FAF2: variants seen among roughly 807,000 people sequenced by gnomAD.
The protein encoded by FAF2 is FAS-associated factor 2.
A neutral mutation model predicts 62.3 loss-of-function variants in FAF2; 9 were observed. The observed-to-expected ratio is 0.14, with a 90% CI of 0.09 to 0.25. The LOEUF (loss-of-function observed/expected upper bound fraction) is 0.25, where lower values mean the gene tolerates loss of function less well. Ranked by LOEUF, FAF2 falls within the 10% of genes least tolerant of loss-of-function variation. The pLI, the probability that FAF2 is intolerant of heterozygous loss-of-function variation, is 1.00. For missense variants in FAF2, 368 were observed against 556.2 expected (o/e 0.66, Z 3.40); for synonymous variants, 202 against 198.0 (o/e 1.02, Z -0.17).
intron 10 of FAF2, among the ~76,000 whole-genome samples, chr5:176,503,043 G>C (rs1197082541): frequency 1.3e-5 from 2 of 148,482 alleles, no homozygotes. Context: ...GCGAGGCTGT[G>C]TCTCAAAAAA....
At chr5:176,454,842 C>G (rs371316543) in intron 1 of FAF2, among the ~76,000 whole-genome samples, 1 of 152,238 alleles carries the variant, frequency 6.6e-6, no homozygotes, top group East Asian at 1.9e-4. Flanking sequence ...GTAATATGTT[C>G]AAGCATTTCT....
chr5:176,474,400 C>T lies in FAF2; in HGVS notation c.64-4788C>T, dbSNP rs1283277632. 3.3e-5 allele frequency among the ~76,000 whole-genome samples: 5 copies of T among 152,258 alleles called. No homozygotes were observed. In the East Asian group the frequency reaches 9.6e-4, roughly 29 times the overall value. On this transcript the variant is annotated intron_variant, in intron 1 of 10. Coordinates refer to ENST00000261942, the MANE Select transcript of FAF2 (RefSeq NM_014613.3). ...TAGAGAACAGTGCTTAAGTGTAGTTCCTGTTGCCTTTAGTCTTATAGACTT... is the reference window on the plus strand; with the variant it reads ...TAGAGAACAGTGCTTAAGTGTAGTTTCTGTTGCCTTTAGTCTTATAGACTT...
At chr5:176,484,386 G>C (rs375892753) in intron 2 of FAF2, among the ~76,000 whole-genome samples, 1 of 152,182 alleles carries the variant, frequency 6.6e-6, no homozygotes, top group South Asian at 2.1e-4. Flanking sequence ...TACCCGGAAC[G>C]TGAATTATCC....
At chr5:176,484,385 C>T (rs923476053) in intron 2 of FAF2, among the ~76,000 whole-genome samples, 1 of 152,172 alleles carries the variant, frequency 6.6e-6, no homozygotes, top group Non-Finnish European at 1.5e-5. Context: ...TTACCCGGAA[C>T]GTGAATTATC....
chr5:176,471,082 CAT>C (rs1389706337), intron 1 of FAF2, among the ~76,000 whole-genome samples: 3 of 152,216 alleles, frequency 2.0e-5, no homozygotes, highest in South Asian at 2.1e-4. Flanking sequence ...TCCACCCCCA[CAT>C]GTTTAATCTA....
At chr5:176,464,534 C>T (rs1171072320) in intron 1 of FAF2, among the ~76,000 whole-genome samples, 3 of 130,712 alleles carry the variant, frequency 2.3e-5, no homozygotes, top group African/African-American at 8.8e-5. Flanking sequence ...GCTCTGTCAC[C>T]TGGGCTGGAG....
chr5:176,474,070 C>T lies in FAF2; in HGVS notation c.64-5118C>T, dbSNP rs28807172. 2.9e-3 allele frequency among the ~76,000 whole-genome samples: 446 copies of T among 152,314 alleles called. 3 individuals are homozygous for T. Among genetic ancestry groups the T allele is most frequent in the African/African-American group, 9.7e-3 (402 of 41,560 alleles). On this transcript the variant is annotated intron_variant, in intron 1 of 10. Coordinates refer to ENST00000261942, the MANE Select transcript of FAF2 (RefSeq NM_014613.3). Reference sequence around the variant, plus strand: ...TGTGCTTGCTACTGGGATGTTGTGGCTTGTAGGACCTTTCAGCTGACTGAG... The same window carrying T: ...TGTGCTTGCTACTGGGATGTTGTGGTTTGTAGGACCTTTCAGCTGACTGAG...
rs186793940 is a variant in FAF2, at chr5:176,459,413, C to T, written c.63+10943C>T. ...AGCTCGAACTACAGGCCCACGCCAC[C>T]ACACCCAGCTAATTTTTTTATTTTT... On this transcript the variant is annotated intron_variant, in intron 1 of 10. Transcript: ENST00000261942. Among the ~76,000 whole-genome samples, 5 of 152,112 alleles carry T rather than the reference C, an allele frequency of 3.3e-5. No individual in the cohort carries two copies. The East Asian group carries it at 9.6e-4, about 29-fold the overall frequency.
chr5:176,499,109 C>T (rs1581075402), intron 9 of FAF2, 24 bp downstream of exon 9: 2 of 1,539,614 alleles, frequency 1.3e-6, no homozygotes, highest in Non-Finnish European at 1.8e-6. Context: ...GGCTTTACTC[C>T]CTGTGGTTCC....
chr5:176,468,792 A>C (rs949021559), intron 1 of FAF2, among the ~76,000 whole-genome samples: 10 of 151,764 alleles, frequency 6.6e-5, no homozygotes, highest in Non-Finnish European at 7.4e-5. Flanking sequence ...AAACAAAAAA[A>C]AAAAAGGTGG....
intron 2 of FAF2, among the ~76,000 whole-genome samples, chr5:176,481,315 G>C (rs1758780396): frequency 1.3e-5 from 2 of 152,098 alleles, no homozygotes; most frequent in Admixed American, 1.3e-4. Context: ...CAAGGTGCTA[G>C]GATTACAGGC....
At chr5:176,469,893 AAGAG>A (rs986300579) in intron 1 of FAF2, among the ~76,000 whole-genome samples, 3 of 152,182 alleles carry the variant, frequency 2.0e-5, no homozygotes, top group African/African-American at 7.2e-5. Flanking sequence ...AAATATCTGA[AAGAG>A]AGGAGTCTCA....
chr5:176,500,014 G>A lies in FAF2; in HGVS notation c.1023G>A (p.Glu341=). The change falls in exon 10 of 11, where the codon GAG becomes GAA. Residue 341 remains glutamate (E), a synonymous_variant. Transcript: ENST00000261942. ...AEERRRQNLQ[E]EKERKLECLP... Reference sequence around the variant, plus strand: ...TTGTGTCTCTGCAGAATTTACAGGAGGAAAAGGAAAGGAAGTTGGAATGCC... The same window carrying A: ...TTGTGTCTCTGCAGAATTTACAGGAAGAAAAGGAAAGGAAGTTGGAATGCC... 1 of 1,614,028 alleles carries A rather than the reference G, an allele frequency of 6.2e-7. No homozygotes were observed. The highest frequency in any genetic ancestry group is 8.5e-7 in the Non-Finnish European group (1 of 1,180,004).
At chr5:176,506,645 A>G (rs576445242) in intron 10 of FAF2, 123 bp from the exon 11 acceptor site, 13 of 760,772 alleles carry the variant, frequency 1.7e-5, no homozygotes, top group Non-Finnish European at 2.4e-5. Context: ...ATTCTTTCCT[A>G]TAGAGTCATC....
intron 1 of FAF2, among the ~76,000 whole-genome samples, chr5:176,459,958 T>A (rs1281604775): frequency 1.3e-5 from 2 of 152,134 alleles, no homozygotes; most frequent in Non-Finnish European, 2.9e-5. Context: ...AGTGTTTAGC[T>A]CCTACTTACA....
rs374246068 is a variant in FAF2 at position 176,492,156 on chromosome 5, A to G, written c.345-38A>G. On this transcript the variant is annotated intron_variant, in intron 4 of 10. Coordinates refer to ENST00000261942, the MANE Select transcript of FAF2 (RefSeq NM_014613.3). ...TGGCCCACTCGATATGCACTGTAGT[A>G]AGCTGGATTCATGTGATATTTATTC... 4 of 1,613,298 alleles carry G rather than the reference A, an allele frequency of 2.5e-6. No individual in the cohort carries two copies. The African/African-American group carries it at 4.0e-5, about 16-fold the overall frequency.
chr5:176,495,832 T>C (rs1482684958), intron 7 of FAF2, among the ~76,000 whole-genome samples: 1 of 152,016 alleles, frequency 6.6e-6, no homozygotes, highest in Non-Finnish European at 1.5e-5. Flanking sequence ...TTAATAAGCT[T>C]CTTTGGAACA....
chr5:176,479,883 C>T lies in FAF2; in HGVS notation c.132+627C>T, dbSNP rs182749012. ...GGCTAATTTGTATTTTTAGTAGAGA[C>T]GGGGTTTCACCATGTTGCCTAGGCT... On this transcript the variant is annotated intron_variant, in intron 2 of 10. Transcript: ENST00000261942. Among the ~76,000 whole-genome samples the T allele has an allele frequency of 3.7e-3, 565 of 152,166 alleles. 4 individuals are homozygous for T. Among genetic ancestry groups the T allele is most frequent in the African/African-American group, 0.013 (547 of 41,538 alleles).
In FAF2 at chr5:176,462,573, G is replaced by A. The variant is rs536931321; in HGVS notation, c.63+14103G>A. 2.6e-5 allele frequency among the ~76,000 whole-genome samples: 4 copies of A among 152,176 alleles called. No homozygotes were observed. The East Asian group carries it at 5.8e-4, about 22-fold the overall frequency. On this transcript the variant is annotated intron_variant, in intron 1 of 10. Transcript: ENST00000261942. ...CGGGAGGCGGAGGTTGCAGTGAGCC[G>A]AGATCGCGCCACTGCACTCCAGCCT...
Sources: gnomAD v4.1 joint callset for allele counts (sites outside exome capture counted in the v4.1 genomes callset) on GRCh38, gnomAD v4.1.1 for gene constraint, MANE v1.5 for transcripts, NCBI Gene and HGNC (gene_info 2026-07-23, HGNC 2026-07-21) for gene names.